The following PGM1 variants were observed in gnomAD, a reference collection of about 807,000 sequenced individuals.
PGM1 encodes the protein phosphoglucomutase 1.
In PGM1, 52 loss-of-function variants were observed where a neutral mutation model predicts 55.6. The ratio of observed to expected loss-of-function variants is 0.94; its 90% CI spans 0.75 to 1.18. The LOEUF (loss-of-function observed/expected upper bound fraction) is 1.18. Ranked by LOEUF, PGM1 falls within the 50% of genes most tolerant of loss-of-function variation. The pLI is 0.00. For missense variants in PGM1, 724 were observed against 729.3 expected, an observed-to-expected ratio of 0.99 and a Z score of 0.08; for synonymous variants, 287 against 271.7, an observed-to-expected ratio of 1.06 and a Z score of -0.55.
intron 1 of PGM1, among the ~76,000 whole-genome samples, chr1:63,626,090 G>A (rs1031057921): frequency 4.6e-5 from 7 of 152,196 alleles, no homozygotes; most frequent in South Asian, 2.1e-4. Flanking sequence ...GTGGGGAGGC[G>A]TGAGTTTTAA....
intron 4 of PGM1, among the ~76,000 whole-genome samples, chr1:63,633,319 G>T (rs1649247532): frequency 6.6e-6 from 1 of 152,204 alleles, no homozygotes; most frequent in African/African-American, 2.4e-5. Flanking sequence ...AATGGGGCAT[G>T]TGAGGAGGGC....
intron 1 of PGM1, 36 bp downstream of exon 1, chr1:63,593,770 TGGCGCGTGTGCGACGTGC>T (rs749490180): frequency 5.8e-6 from 9 of 1,553,466 alleles, no homozygotes; most frequent in Non-Finnish European, 6.9e-6. Context: ...CTGTGCACCC[TGGCGCGTGTGCGACGTGC>T]GGCCCGCGGC....
In PGM1 at chr1:63,648,528, A is replaced by G; in HGVS notation, c.1156A>G (p.Ile386Val). The stretch of plus-strand genomic sequence containing the variant: ...TGTCCCCCCTCCAGGTTCTGACCAC[A>G]TCCGTGAGAAAGATGGACTGTGGGC... Reference protein sequence around the residue: ...EESFGTGSDHIREKDGLWAVL... With the variant: ...EESFGTGSDHVREKDGLWAVL... The change falls in exon 8 of 11, where the codon ATC becomes GTC. Residue 386 changes from isoleucine to valine, a missense_variant. Physicochemically the swap from Ile to Val is conservative, Grantham distance 29. Around this residue, in one of 3 missense-constraint regions of PGM1, gnomAD observed 316 missense variants for 313.1 expected, o/e 1.01. Coordinates refer to ENST00000371084, the MANE Select transcript of PGM1 (RefSeq NM_002633.3). 2 of 1,614,086 alleles carry G rather than the reference A, an allele frequency of 1.2e-6. No homozygotes were observed. Among genetic ancestry groups the G allele is most frequent in the Non-Finnish European group, 1.7e-6 (2 of 1,179,984 alleles).
Position 63,638,650 on chromosome 1 carries a change from T to C in PGM1, c.1029-35T>C, listed in dbSNP as rs774476034. The stretch of plus-strand genomic sequence containing the variant: ...CCTCACATGGCCACGCTAACAGTCC[T>C]GCTGTGATGTAACTTTGATTTCATG... On this transcript the variant is annotated intron_variant, in intron 6 of 10. Transcript: ENST00000371084. 2.1e-6 allele frequency: 3 copies of C among 1,402,448 alleles called. No individual in the cohort carries two copies. In the East Asian group the frequency reaches 6.8e-5, roughly 32 times the overall value. The allele number at this position is 1,402,448 out of a possible 1,614,324, so 86.9% of individuals were successfully genotyped here.
At chr1:63,652,055 G>T (rs910160992) in intron 9 of PGM1, among the ~76,000 whole-genome samples, 2 of 152,126 alleles carry the variant, frequency 1.3e-5, no homozygotes, top group Non-Finnish European at 2.9e-5. Context: ...CCCTTGTTCT[G>T]TGCACTGTCC....
At chr1:63,619,049 T>C (rs1023313156) in intron 1 of PGM1, among the ~76,000 whole-genome samples, 1 of 152,218 alleles carries the variant, frequency 6.6e-6, no homozygotes, top group African/African-American at 2.4e-5. Context: ...ATGCCTCAAC[T>C]GTTCTTGCCC....
At chr1:63,657,125 GTAAAA>G (rs1397095256) in intron 10 of PGM1, among the ~76,000 whole-genome samples, 2 of 152,148 alleles carry the variant, frequency 1.3e-5, no homozygotes, top group Non-Finnish European at 2.9e-5. Flanking sequence ...AAAATTGAAA[GTAAAA>G]TAAAATAAAT....
chr1:63,647,508 T>C (rs1249130590), intron 7 of PGM1, among the ~76,000 whole-genome samples: 1 of 149,118 alleles, frequency 6.7e-6, no homozygotes, highest in Non-Finnish European at 1.5e-5. Flanking sequence ...AAGATTTATA[T>C]ATATAAATAT....
chr1:63,650,846 A>G (rs189302768), intron 8 of PGM1, among the ~76,000 whole-genome samples: 1 of 152,242 alleles, frequency 6.6e-6, no homozygotes, highest in African/African-American at 2.4e-5. Context: ...GGGTGAACCC[A>G]AAGGACCTTG....
Position 63,630,555 on chromosome 1 carries a change from C to T in PGM1, c.556+467C>T, listed in dbSNP as rs922288627. Among the ~76,000 whole-genome samples, 39 of 152,144 alleles carry T rather than the reference C, an allele frequency of 2.6e-4. 1 individual carries two copies. Among genetic ancestry groups the T allele is most frequent in the Admixed American group, 2.6e-4 (4 of 15,272 alleles). The stretch of plus-strand genomic sequence containing the variant: ...AGGTCACAGTCAGTGAATGGCAAAA[C>T]GAAGATTTCAACTCAGGTTTGAATG... On this transcript the variant is annotated intron_variant, in intron 3 of 10. Coordinates refer to ENST00000371084, the MANE Select transcript of PGM1 (RefSeq NM_002633.3).
intron 1 of PGM1, among the ~76,000 whole-genome samples, chr1:63,597,370 C>T (rs1648108833): frequency 6.6e-6 from 1 of 152,150 alleles, no homozygotes; most frequent in Admixed American, 6.5e-5. Flanking sequence ...TAATACATAC[C>T]TGAAGAGCCT....
intron 1 of PGM1, among the ~76,000 whole-genome samples, chr1:63,594,355 C>G (rs1647974444): frequency 1.3e-5 from 2 of 152,154 alleles, no homozygotes; most frequent in African/African-American, 4.8e-5. Flanking sequence ...GCCTTGGTTC[C>G]GAACTCCTGC....
Position 63,659,943 on chromosome 1 carries a change from A to T in PGM1, c.*268A>T. The T allele has an allele frequency of 1.8e-6, 1 of 567,572 alleles. No individual in the cohort carries two copies. The allele number at this position is 567,572 out of a possible 1,614,324, so 35.2% of individuals were successfully genotyped here. A position where few individuals can be genotyped will look rare whatever the true frequency, so the allele number is the denominator to read the frequency against. On this transcript the variant is annotated 3_prime_UTR_variant, in exon 11 of 11. Transcript: ENST00000371084. ...CTGCTGCGTGGGTATTTGTCTCCTT[A>T]GCCATCAGGTACAGTTTACACTACA...
intron 1 of PGM1, chr1:63,623,518 C>T: frequency 6.2e-7 from 1 of 1,612,726 alleles, no homozygotes; most frequent in Non-Finnish European, 8.5e-7. Flanking sequence ...AGAAGGTCCT[C>T]TCCCTCTGTT....
At chr1:63,630,234 T>TG in intron 3 of PGM1, 146 bp downstream of exon 3, 1 of 891,552 alleles carries the variant, frequency 1.1e-6, no homozygotes. Flanking sequence ...AATTAACAAG[T>TG]CTGGAATTAG....
chr1:63,614,914 G>A (rs541328315), intron 1 of PGM1, among the ~76,000 whole-genome samples: 48 of 152,046 alleles, frequency 3.2e-4, no homozygotes, highest in African/African-American at 1.1e-3. Flanking sequence ...CTTTGAGCAG[G>A]CATCATTGTC....
At chr1:63,623,209 C>T in intron 1 of PGM1, 2 of 1,341,178 alleles carry the variant, frequency 1.5e-6, no homozygotes, top group South Asian at 3.9e-5. Flanking sequence ...GCAGAAGTGT[C>T]CTCATCAAAA....
chr1:63,636,196 A>T (rs779545104), intron 5 of PGM1, 38 bp from the exon 6 acceptor site: 2 of 1,597,736 alleles, frequency 1.3e-6, no homozygotes, highest in Admixed American at 1.7e-5. Flanking sequence ...TTATAGTTTG[A>T]TTAAAAGGTC....
rs999921692 is a variant in PGM1 at position 63,659,442 on chromosome 1, G to A, written c.1600-144G>A. 7 of 717,048 alleles carry A rather than the reference G, an allele frequency of 9.8e-6. No individual in the cohort carries two copies. In the African/African-American group the frequency reaches 1.1e-4, roughly 11 times the overall value. The allele number at this position is 717,048 out of a possible 1,614,324, so 44.4% of individuals were successfully genotyped here. Reference sequence around the variant, plus strand: ...AAACTGCTGGAACTAGGTATTGGGGGAAATAACATGTGTTTGTTTTTGGAT... The same window carrying A: ...AAACTGCTGGAACTAGGTATTGGGGAAAATAACATGTGTTTGTTTTTGGAT... On this transcript the variant is annotated intron_variant, in intron 10 of 10. Coordinates refer to ENST00000371084, the MANE Select transcript of PGM1 (RefSeq NM_002633.3).
Sources: allele counts gnomAD v4.1 joint callset (sites outside exome capture counted in the v4.1 genomes callset), GRCh38; gene constraint gnomAD v4.1.1; regional missense constraint gnomAD v4.1.1; transcripts MANE v1.5; gene names NCBI Gene and HGNC (gene_info 2026-07-23, HGNC 2026-07-21).